ITGA4: variants seen among roughly 807,000 people sequenced by gnomAD.
ITGA4 encodes integrin subunit alpha 4.
Under a neutral mutation model 133.6 loss-of-function variants are expected in ITGA4, and 63 were observed. The observed-to-expected ratio is 0.47, with a 90% CI of 0.38 to 0.58. ITGA4 has a LOEUF of 0.58. Ranked by LOEUF, ITGA4 falls within the 20% of genes least tolerant of loss-of-function variation. The probability of loss-of-function intolerance (pLI) is 0.00; values close to 1 mark genes in which losing one functional copy is unlikely to be tolerated. For missense variants in ITGA4, 1,076 were observed against 1,252.7 expected (o/e 0.86, Z 2.13); for synonymous variants, 483 against 438.0 (o/e 1.10, Z -1.28).
chr2:181,522,863 C>T (rs1686748840), intron 18 of ITGA4, among the ~76,000 whole-genome samples: 1 of 152,174 alleles, frequency 6.6e-6, no homozygotes, highest in African/African-American at 2.4e-5. Context: ...GCAAAAGTAA[C>T]AGTGGAAACT....
intron 2 of ITGA4, among the ~76,000 whole-genome samples, chr2:181,462,641 C>T (rs1559035546): frequency 6.6e-6 from 1 of 152,130 alleles, no homozygotes; most frequent in African/African-American, 2.4e-5. Context: ...AAAATCAAGA[C>T]AGAGAGCTTC....
intron 7 of ITGA4, among the ~76,000 whole-genome samples, chr2:181,482,108 G>A (rs1685817658): frequency 6.6e-6 from 1 of 152,134 alleles, no homozygotes; most frequent in Non-Finnish European, 1.5e-5. Context: ...TGAAAACTGA[G>A]GCAAACAACA....
In ITGA4 at chr2:181,495,438, G is replaced by C. The variant is rs1045518826; in HGVS notation, c.1385+22G>C. 1.3e-6 allele frequency: 2 copies of C among 1,574,696 alleles called. No individual in the cohort carries two copies. Among genetic ancestry groups the C allele is most frequent in the African/African-American group, 2.7e-5 (2 of 73,962 alleles). On this transcript the variant is annotated intron_variant, in intron 13 of 27. Transcript: ENST00000397033. The surrounding 1 kb of genome is among the most constrained non-coding windows in gnomAD (Gnocchi z 4.3). ...TAAGGTAAGACTGATATATTTCACT[G>C]CTTAATTGCAATTTGGTTTAATTGT... is the stretch of plus-strand genomic sequence containing the variant.
At chr2:181,519,408 A>G (rs1205502464) in intron 17 of ITGA4, among the ~76,000 whole-genome samples, 1 of 152,154 alleles carries the variant, frequency 6.6e-6, no homozygotes, top group Non-Finnish European at 1.5e-5. Flanking sequence ...ATTGAGCTGT[A>G]CAATCAGGAT....
intron 4 of ITGA4, among the ~76,000 whole-genome samples, chr2:181,477,838 C>CT (rs1465898325): frequency 6.6e-6 from 1 of 152,110 alleles, no homozygotes; most frequent in East Asian, 1.9e-4. Flanking sequence ...AATCCCTCTT[C>CT]TGGGTATATA....
In ITGA4 at chr2:181,460,319, A is replaced by G. The variant is rs552696318; in HGVS notation, c.319+2002A>G. 3.7e-3 allele frequency among the ~76,000 whole-genome samples: 559 copies of G among 152,364 alleles called. 6 individuals carry two copies. The highest frequency in any genetic ancestry group is 7.0e-3 in the Admixed American group (107 of 15,302). ...TGACTGAAGTTATTTCTCATGTAAC[A>G]TTCTAAAGAATACAGATATCTTTTA... On this transcript the variant is annotated intron_variant, in intron 2 of 27. Coordinates refer to ENST00000397033, the MANE Select transcript of ITGA4 (RefSeq NM_000885.6).
At chr2:181,505,524 C>A (rs1395717329) in intron 15 of ITGA4, among the ~76,000 whole-genome samples, 7 of 152,016 alleles carry the variant, frequency 4.6e-5, no homozygotes, top group Admixed American at 2.0e-4. Flanking sequence ...ATATAGATAG[C>A]ACATGCCCAT....
rs564924356 is a variant in ITGA4, at chr2:181,463,672, G to A, written c.319+5355G>A. Among the ~76,000 whole-genome samples, 7 of 152,190 alleles carry A rather than the reference G, an allele frequency of 4.6e-5. No individual in the cohort carries two copies. In the South Asian group the frequency reaches 1.0e-3, roughly 23 times the overall value. ...GTTTTCTGGCAAAATGATGAGTTTCGTTGGCTTGAGATTCCTGTGAGACAT... is the reference window on the plus strand; with the variant it reads ...GTTTTCTGGCAAAATGATGAGTTTCATTGGCTTGAGATTCCTGTGAGACAT... On this transcript the variant is annotated intron_variant, in intron 2 of 27. Coordinates refer to ENST00000397033, the MANE Select transcript of ITGA4 (RefSeq NM_000885.6).
chr2:181,498,443 T>C (rs1056121567), intron 14 of ITGA4, 180 bp from the exon 15 acceptor site: 3 of 368,414 alleles, frequency 8.1e-6, no homozygotes, highest in Non-Finnish European at 1.4e-5. Context: ...ATTTTTAAAA[T>C]TTGTATTTTT....
chr2:181,519,174 C>G (rs1366499196), intron 17 of ITGA4, among the ~76,000 whole-genome samples: 1 of 152,022 alleles, frequency 6.6e-6, no homozygotes, highest in African/African-American at 2.4e-5. Flanking sequence ...ATATGTTAAT[C>G]TCACAAACAA....
chr2:181,522,640 G>A (rs1037811559), intron 18 of ITGA4, among the ~76,000 whole-genome samples: 2 of 152,134 alleles, frequency 1.3e-5, no homozygotes, highest in African/African-American at 2.4e-5. Flanking sequence ...CCCCTTGATT[G>A]TGGTCCTTGC....
At chr2:181,498,134 A>T (rs1372866016) in intron 14 of ITGA4, 1 of 152,162 alleles carries the variant, frequency 6.6e-6, no homozygotes, top group Admixed American at 6.6e-5. Flanking sequence ...TGTTCACTTC[A>T]TGTATAAAAA....
At chr2:181,526,530 A>G (rs1686832667) in intron 21 of ITGA4, among the ~76,000 whole-genome samples, 1 of 152,322 alleles carries the variant, frequency 6.6e-6, no homozygotes, top group South Asian at 2.1e-4. Context: ...AATTTATCAT[A>G]CTTAATAATG....
chr2:181,538,843 T>C lies in ITGA4; in HGVS notation c.*3316T>C, dbSNP rs1687343420. Among the ~76,000 whole-genome samples, 1 of 152,130 alleles carries C rather than the reference T, an allele frequency of 6.6e-6. No individual in the cohort carries two copies. Among genetic ancestry groups the C allele is most frequent in the South Asian group, 2.1e-4 (1 of 4,830 alleles). ...ATTATCTGTAGTTTATGCACAACAATAAATTAGAAAGCCAATGTAGACACG... is the reference window on the plus strand; with the variant it reads ...ATTATCTGTAGTTTATGCACAACAACAAATTAGAAAGCCAATGTAGACACG... On this transcript the variant is annotated 3_prime_UTR_variant, in exon 28 of 28. Coordinates refer to ENST00000397033, the MANE Select transcript of ITGA4 (RefSeq NM_000885.6).
intron 14 of ITGA4, chr2:181,498,236 A>G (rs1337639763): frequency 2.6e-5 from 4 of 152,808 alleles, no homozygotes; most frequent in Admixed American, 2.6e-4. Context: ...ATTCCAAGTG[A>G]CATTTGAGCA....
chr2:181,471,377 A>G (rs1181393953), intron 2 of ITGA4, among the ~76,000 whole-genome samples: 1 of 152,202 alleles, frequency 6.6e-6, no homozygotes, highest in African/African-American at 2.4e-5. Context: ...AAGCCTTGGA[A>G]ATAGGCCAGA....
At chr2:181,504,840 T>C (rs576186830) in intron 15 of ITGA4, among the ~76,000 whole-genome samples, 139 of 152,022 alleles carry the variant, frequency 9.1e-4, no homozygotes, top group African/African-American at 3.1e-3. Flanking sequence ...AGGGCATTTG[T>C]CTTAGGGGTG....
Position 181,511,812 on chromosome 2 carries a change from G to A in ITGA4, c.1922+37G>A, listed in dbSNP as rs753294842. 4 of 1,002,862 alleles carry A rather than the reference G, an allele frequency of 4.0e-6. No homozygotes were observed. The South Asian group carries it at 4.0e-5, about 10-fold the overall frequency. The allele number at this position is 1,002,862 out of a possible 1,614,324, so 62.1% of individuals were successfully genotyped here. A position where few individuals can be genotyped will look rare whatever the true frequency, so the allele number is the denominator to read the frequency against. ...TGGTATATAGTCTCTGTTATTCATC[G>A]AGAGGGTGTAATGAGTGTGTGCATT... is the stretch of plus-strand genomic sequence containing the variant. On this transcript the variant is annotated intron_variant, in intron 17 of 27. Coordinates refer to ENST00000397033, the MANE Select transcript of ITGA4 (RefSeq NM_000885.6).
In ITGA4 at chr2:181,482,432, C is replaced by A; in HGVS notation, c.903+10C>A. Reference sequence around the variant, plus strand: ...AATGAAAGGTAAAAAGGTAATATGTCTCTACCTTTAGTATCTCTGTGGGCT... The same window carrying A: ...AATGAAAGGTAAAAAGGTAATATGTATCTACCTTTAGTATCTCTGTGGGCT... On this transcript the variant is annotated intron_variant, in intron 8 of 27. Coordinates refer to ENST00000397033, the MANE Select transcript of ITGA4 (RefSeq NM_000885.6). 6.2e-7 allele frequency: 1 copy of A among 1,613,206 alleles called. No individual in the cohort carries two copies. Among genetic ancestry groups the A allele is most frequent in the Non-Finnish European group, 8.5e-7 (1 of 1,179,470 alleles).
Sources: gnomAD v4.1 joint callset for allele counts (sites outside exome capture counted in the v4.1 genomes callset) on GRCh38, gnomAD v4.1.1 for gene constraint, Gnocchi (gnomAD v3.1) non-coding constraint, MANE v1.5 for transcripts, NCBI Gene and HGNC (gene_info 2026-07-23, HGNC 2026-07-21) for gene names.